PIGL: variants seen among roughly 807,000 people sequenced by gnomAD.
The protein encoded by PIGL is N-acetylglucosaminyl-phosphatidylinositol de-N-acetylase.
A neutral mutation model predicts 31.1 loss-of-function variants in PIGL; 22 were observed. That is an observed-to-expected ratio of 0.71 (90% CI 0.51 to 1.01). PIGL has a LOEUF of 1.01. Ranked by LOEUF, PIGL falls within the 50% of genes least tolerant of loss-of-function variation. PIGL has a pLI of 0.00. For synonymous variants in PIGL, 131 were observed against 117.4 expected, an observed-to-expected ratio of 1.12 and a Z score of -0.75; for missense variants, 302 against 315.9, an observed-to-expected ratio of 0.96 and a Z score of 0.33.
At chr17:16,305,705 T>G (rs991425747) in intron 3 of PIGL, among the ~76,000 whole-genome samples, 1 of 152,184 alleles carries the variant, frequency 6.6e-6, no homozygotes, top group African/African-American at 2.4e-5. Context: ...CTGATATCCA[T>G]CCAGCCAGAG....
intron 2 of PIGL, among the ~76,000 whole-genome samples, chr17:16,271,354 T>C (rs183107256): frequency 1.2e-3 from 177 of 152,312 alleles, no homozygotes; most frequent in Non-Finnish European, 1.9e-3. Context: ...TTGTGTTAGA[T>C]TATCTCTGAG....
chr17:16,274,034 G>A (rs554216457), intron 2 of PIGL, among the ~76,000 whole-genome samples: 1 of 152,310 alleles, frequency 6.6e-6, no homozygotes, highest in Admixed American at 6.5e-5. Context: ...TACTCACAGG[G>A]CGTGGTTCAA....
At chr17:16,218,707 C>A (rs548052017) in intron 1 of PIGL, among the ~76,000 whole-genome samples, 36 of 124,172 alleles carry the variant, frequency 2.9e-4, no homozygotes, top group African/African-American at 1.1e-3. Context: ...CTGAGATAGT[C>A]TCGCTCTGTT....
At chr17:16,304,527 GT>G (rs1478270100) in intron 3 of PIGL, among the ~76,000 whole-genome samples, 1 of 152,206 alleles carries the variant, frequency 6.6e-6, no homozygotes, top group Non-Finnish European at 1.5e-5. Context: ...GGAGGCTGAG[GT>G]GGGAGGATCA....
intron 2 of PIGL, among the ~76,000 whole-genome samples, chr17:16,245,721 T>C (rs535873093): frequency 2.7e-5 from 4 of 150,562 alleles, no homozygotes; most frequent in East Asian, 2.0e-4. Context: ...TATACACACA[T>C]ATATATATAC....
At chr17:16,278,177 T>C (rs1167310269) in intron 2 of PIGL, among the ~76,000 whole-genome samples, 5 of 152,148 alleles carry the variant, frequency 3.3e-5, no homozygotes, top group Admixed American at 3.3e-4. Flanking sequence ...TGCCTCAGTC[T>C]ACCGAGTAAC....
chr17:16,282,324 T>C (rs2092919752), intron 2 of PIGL, among the ~76,000 whole-genome samples: 2 of 152,106 alleles, frequency 1.3e-5, no homozygotes, highest in Non-Finnish European at 2.9e-5. Context: ...AGACTCCATA[T>C]CCTTGTTCTT....
rs558526097 is a variant in PIGL, at chr17:16,315,417, CT to C, written c.495-1263del. On this transcript the variant is annotated intron_variant, in intron 4 of 6. Transcript: ENST00000225609. The stretch of plus-strand genomic sequence containing the variant: ...ACTTATATGGCACCAGCTTGCCCTC[CT>C]CACTCTGGCCTTTCTGGCTACTTCT... Among the ~76,000 whole-genome samples the C allele has an allele frequency of 7.9e-5, 12 of 152,268 alleles. No individual in the cohort carries two copies. In the South Asian group the frequency reaches 1.9e-3, roughly 24 times the overall value.
At chr17:16,301,244 C>T in intron 3 of PIGL, among the ~76,000 whole-genome samples, 1 of 151,560 alleles carries the variant, frequency 6.6e-6, no homozygotes, top group East Asian at 1.9e-4. Context: ...AGGCACATGC[C>T]ATCATGTCTG....
chr17:16,266,617 C>T (rs532053482), intron 2 of PIGL, among the ~76,000 whole-genome samples: 5 of 150,776 alleles, frequency 3.3e-5, no homozygotes, highest in African/African-American at 1.2e-4. Flanking sequence ...TTTTTCTAGA[C>T]GGGAGTCTCG....
At chr17:16,239,104 G>A (rs1239388029) in intron 2 of PIGL, among the ~76,000 whole-genome samples, 2 of 151,942 alleles carry the variant, frequency 1.3e-5, no homozygotes, top group South Asian at 2.1e-4. Flanking sequence ...GGAGGCTGAG[G>A]TAGGAGGATT....
At chr17:16,263,086 G>T (rs1207100103) in intron 2 of PIGL, among the ~76,000 whole-genome samples, 5 of 31,786 alleles carry the variant, frequency 1.6e-4, no homozygotes, top group Non-Finnish European at 7.0e-4. Flanking sequence ...TTATAATATG[G>T]TTTATTTGGG....
chr17:16,283,920 G>C (rs1260902126), intron 2 of PIGL: 1 of 151,800 alleles, frequency 6.6e-6, no homozygotes, highest in Non-Finnish European at 1.5e-5. Flanking sequence ...TCCCGCATCT[G>C]CCTCATCATG....
At chr17:16,244,039 G>C (rs2092734314) in intron 2 of PIGL, among the ~76,000 whole-genome samples, 1 of 152,164 alleles carries the variant, frequency 6.6e-6, no homozygotes, top group Admixed American at 6.6e-5. Flanking sequence ...GTTCCTGGGT[G>C]GGGGACTACA....
chr17:16,325,074 G>C (rs1019703878), intron 6 of PIGL, among the ~76,000 whole-genome samples: 1 of 152,006 alleles, frequency 6.6e-6, no homozygotes, highest in African/African-American at 2.4e-5. Flanking sequence ...GGCCAGGCGC[G>C]GTGGCTCACG....
intron 1 of PIGL, 153 bp downstream of exon 1, chr17:16,217,614 A>AC: frequency 3.3e-6 from 2 of 599,108 alleles, no homozygotes; most frequent in South Asian, 2.5e-5. Context: ...GCCTAGGGAC[A>AC]GGAGCGGCCG....
Position 16,299,148 on chromosome 17 carries a change from C to T in PIGL, c.336-740C>T, listed in dbSNP as rs189356687. ...GCTTGAACCCGGGAGGTGGAGGTTG[C>T]GGTGAGCCGAGATTGTGCCACTGTA... On this transcript the variant is annotated intron_variant, in intron 2 of 6. Transcript: ENST00000225609. Among the ~76,000 whole-genome samples, 27 of 151,702 alleles carry T rather than the reference C, an allele frequency of 1.8e-4. No homozygotes were observed. In the East Asian group the frequency reaches 4.7e-3, roughly 26 times the overall value.
intron 1 of PIGL, among the ~76,000 whole-genome samples, chr17:16,224,406 A>G (rs959814283): frequency 6.6e-6 from 1 of 151,828 alleles, no homozygotes; most frequent in Non-Finnish European, 1.5e-5. Context: ...TCCTGGATTC[A>G]AGTGATCCCC....
intron 6 of PIGL, among the ~76,000 whole-genome samples, chr17:16,322,652 A>G (rs1191640878): frequency 6.6e-6 from 1 of 152,100 alleles, no homozygotes; most frequent in African/African-American, 2.4e-5. Context: ...GTAGTTCTAT[A>G]TTTATGAATG....
Sources: gnomAD v4.1 joint callset for allele counts (sites outside exome capture counted in the v4.1 genomes callset) on GRCh38, gnomAD v4.1.1 for gene constraint, MANE v1.5 for transcripts, NCBI Gene and HGNC (gene_info 2026-07-23, HGNC 2026-07-21) for gene names.